The following FCRL2 variants were observed in gnomAD, a reference collection of about 807,000 sequenced individuals.
The protein encoded by FCRL2 is Fc receptor-like protein 2.
A neutral mutation model predicts 59.8 loss-of-function variants in FCRL2; 48 were observed. The ratio of observed to expected loss-of-function variants is 0.80; its 90% CI spans 0.64 to 1.02. The LOEUF (loss-of-function observed/expected upper bound fraction) is 1.02. Ranked by LOEUF, FCRL2 falls within the 50% of genes least tolerant of loss-of-function variation. The pLI is 0.00. For synonymous variants in FCRL2, 251 were observed against 229.5 expected (o/e 1.09, Z -0.85); for missense variants, 658 against 597.3 (o/e 1.10, Z -1.06).
intron 7 of FCRL2, among the ~76,000 whole-genome samples, chr1:157,756,956 T>A (rs1052337217): frequency 6.6e-6 from 1 of 152,194 alleles, no homozygotes; most frequent in African/African-American, 2.4e-5. Context: ...TCAATTAAAT[T>A]TTTTTAAAGT....
Position 157,756,975 on chromosome 1 carries a change from TG to T in FCRL2, c.1280-7299del, listed in dbSNP as rs1314164113. ...TTAAATTTTTTTAAAGTTACAAGAG[TG>T]GAAGTGCAGGTCAAAAACCATGTGG... On this transcript the variant is annotated intron_variant, in intron 7 of 11. Coordinates refer to ENST00000361516, the MANE Select transcript of FCRL2 (RefSeq NM_030764.4). Among the ~76,000 whole-genome samples the T allele has an allele frequency of 2.0e-5, 3 of 152,246 alleles. No homozygotes were observed. The East Asian group carries it at 5.8e-4, about 29-fold the overall frequency.
intron 7 of FCRL2, among the ~76,000 whole-genome samples, chr1:157,761,538 G>T (rs1192802860): frequency 6.6e-6 from 1 of 152,176 alleles, no homozygotes; most frequent in Non-Finnish European, 1.5e-5. Flanking sequence ...GAGCCTGGCA[G>T]ATCAAGACTG....
chr1:157,748,767 G>A, intron 9 of FCRL2, 108 bp downstream of exon 9: 1 of 1,182,778 alleles, frequency 8.5e-7, no homozygotes, highest in Non-Finnish European at 1.2e-6. Context: ...GGGAATGGCT[G>A]GGCCTCTGGT....
chr1:157,767,575 C>A, intron 5 of FCRL2, 66 bp from the exon 6 acceptor site: 1 of 1,614,254 alleles, frequency 6.2e-7, no homozygotes, highest in Non-Finnish European at 8.5e-7. Context: ...AAACTCCCAA[C>A]CTGCAGGCTC....
chr1:157,768,871 G>A (rs1649750083), intron 4 of FCRL2, 170 bp from the exon 5 acceptor site: 4 of 686,326 alleles, frequency 5.8e-6, no homozygotes, highest in South Asian at 2.1e-5. Context: ...CTTCAGGAAT[G>A]TGGATAAAGA....
intron 7 of FCRL2, among the ~76,000 whole-genome samples, chr1:157,757,405 A>T (rs1648677586): frequency 2.0e-5 from 3 of 152,206 alleles, no homozygotes; most frequent in Non-Finnish European, 4.4e-5. Flanking sequence ...GTTGAAGGGT[A>T]CAGCAAACAA....
At chr1:157,753,984 T>G (rs1051504110) in intron 7 of FCRL2, among the ~76,000 whole-genome samples, 1 of 152,052 alleles carries the variant, frequency 6.6e-6, no homozygotes, top group Non-Finnish European at 1.5e-5. Flanking sequence ...AAAAAGATAA[T>G]TAAATAAATC....
intron 7 of FCRL2, among the ~76,000 whole-genome samples, chr1:157,758,913 T>C (rs753319717): frequency 2.0e-4 from 30 of 152,312 alleles, no homozygotes; most frequent in Middle Eastern, 3.4e-3. Flanking sequence ...CCTTTCACCA[T>C]ATACAAAAAT....
chr1:157,760,698 G>GGAAGGAAA (rs1553203601), intron 7 of FCRL2, among the ~76,000 whole-genome samples: 37 of 97,288 alleles, frequency 3.8e-4, no homozygotes, highest in African/African-American at 1.3e-3. Flanking sequence ...AAAGAAAGAA[G>GGAAGGAAA]GAAAGAAAGA....
intron 2 of FCRL2, among the ~76,000 whole-genome samples, chr1:157,772,422 T>G: frequency 6.6e-6 from 1 of 151,590 alleles, no homozygotes; most frequent in African/African-American, 2.4e-5. Context: ...CAGTGAGGAG[T>G]GGATGATCTT....
intron 7 of FCRL2, among the ~76,000 whole-genome samples, chr1:157,758,835 G>A (rs1210233306): frequency 1.3e-5 from 2 of 152,132 alleles, no homozygotes; most frequent in African/African-American, 2.4e-5. Context: ...AATGGGGAAA[G>A]GACTCTCTAA....
chr1:157,757,880 T>C (rs1648723390), intron 7 of FCRL2, among the ~76,000 whole-genome samples: 1 of 152,148 alleles, frequency 6.6e-6, no homozygotes, highest in South Asian at 2.1e-4. Context: ...GAGAATGGCG[T>C]GAACCCAGGA....
chr1:157,763,864 A>T (rs1649292526), intron 7 of FCRL2, among the ~76,000 whole-genome samples: 2 of 152,050 alleles, frequency 1.3e-5, no homozygotes, highest in Non-Finnish European at 2.9e-5. Flanking sequence ...CCCCGTCTCT[A>T]CTGAAAATAC....
At chr1:157,756,648 T>C (rs1455436415) in intron 7 of FCRL2, among the ~76,000 whole-genome samples, 4 of 147,538 alleles carry the variant, frequency 2.7e-5, no homozygotes, top group Non-Finnish European at 5.9e-5. Flanking sequence ...CACTGCACTC[T>C]GGCCTGAGTA....
chr1:157,776,285 G>A (rs1477982779), intron 1 of FCRL2, among the ~76,000 whole-genome samples: 2 of 152,136 alleles, frequency 1.3e-5, no homozygotes, highest in Admixed American at 6.6e-5. Context: ...ACAGCATAGA[G>A]AAAGGGATCT....
Position 157,768,505 on chromosome 1 carries a change from A to C in FCRL2, c.792T>G (p.Ala264=). ...RSLSAELEIP[A]VKESDAGKYY... is the part of the protein sequence containing the mutation. Reference sequence around the variant, plus strand: ...ATTTGCCGGCATCACTCTCTTTCACAGCTGGGATCTCCAGCTCTGCTGACA... The same window carrying C: ...ATTTGCCGGCATCACTCTCTTTCACCGCTGGGATCTCCAGCTCTGCTGACA... The change falls in exon 5 of 12, where the codon GCT becomes GCG. Residue 264 remains alanine (A), a synonymous_variant. Transcript: ENST00000361516. 6.2e-7 allele frequency: 1 copy of C among 1,614,178 alleles called. No homozygotes were observed. Among genetic ancestry groups the C allele is most frequent in the East Asian group, 2.2e-5 (1 of 44,886 alleles).
At position 157,768,716 on chromosome 1, in the gene FCRL2, G is replaced by C; in HGVS notation, c.596-15C>G. On this transcript the variant is annotated splice_polypyrimidine_tract_variant and intron_variant, in intron 4 of 11. Transcript: ENST00000361516. ...GATGGGGATTCCTAGATGGATATAA[G>C]ACAACAGGTGAGAACTCTAAGGGAA... 6.3e-7 allele frequency: 1 copy of C among 1,584,642 alleles called. No individual in the cohort carries two copies. The highest frequency in any genetic ancestry group is 1.8e-4 in the Middle Eastern group (1 of 5,494).
At chr1:157,755,772 G>A (rs1261942055) in intron 7 of FCRL2, among the ~76,000 whole-genome samples, 1 of 152,136 alleles carries the variant, frequency 6.6e-6, no homozygotes, top group East Asian at 1.9e-4. Context: ...CACATAGTAT[G>A]TTATTATTTG....
rs1178375764 is a variant in FCRL2, at chr1:157,770,438, G to A, written c.281C>T (p.Thr94Ile). 6.2e-7 allele frequency: 1 copy of A among 1,613,820 alleles called. No homozygotes were observed. The highest frequency in any genetic ancestry group is 2.2e-5 in the East Asian group (1 of 44,898). Residue 94 changes from threonine (T) to isoleucine (I), a missense_variant, in exon 3 of 12, where the codon ACT becomes ATT. Thr to Ile is a moderately conservative substitution (Grantham distance 89). Transcript: ENST00000361516. ...GACTTTTATCTTTACTATATTTGAAGTTTTATCCCAGAGAAAGAGTTGTCC... is the reference window on the plus strand; with the variant it reads ...GACTTTTATCTTTACTATATTTGAAATTTTATCCCAGAGAAAGAGTTGTCC... The part of the protein sequence containing the change: ...TKGQLFLWDK[T>I]SNIVKIKVQE...
Sources: gnomAD v4.1 joint callset for allele counts (sites outside exome capture counted in the v4.1 genomes callset) on GRCh38, gnomAD v4.1.1 for gene constraint, MANE v1.5 for transcripts, NCBI Gene and HGNC (gene_info 2026-07-23, HGNC 2026-07-21) for gene names.